The following HDAC9 variants were observed in gnomAD, a reference collection of about 807,000 sequenced individuals.
HDAC9 encodes MEF-2 interacting transcription repressor (MITR) protein.
In HDAC9, 41 loss-of-function variants were observed where a neutral mutation model predicts 139.4. That is an observed-to-expected ratio of 0.29 (90% CI 0.23 to 0.38). The LOEUF is 0.38. HDAC9 is among the 10% of genes least tolerant of loss of function. HDAC9 has a pLI of 1.00. For synonymous variants in HDAC9, 517 were observed against 476.2 expected (o/e 1.09, Z -1.12); for missense variants, 1,147 against 1,297.0 (o/e 0.88, Z 1.78).
intron 22 of HDAC9, among the ~76,000 whole-genome samples, chr7:18,914,179 G>C (rs779069625): frequency 6.6e-6 from 1 of 151,482 alleles, no homozygotes; most frequent in South Asian, 2.1e-4. Flanking sequence ...CAGAAAGTGG[G>C]CCTTCACCCA....
chr7:18,532,999 C>T (rs1389532932), intron 2 of HDAC9, among the ~76,000 whole-genome samples: 3 of 152,102 alleles, frequency 2.0e-5, no homozygotes. Context: ...CAAATATGTA[C>T]ACTTTTCTTC....
At chr7:18,216,406 A>G (rs545264655) in intron 2 of HDAC9, among the ~76,000 whole-genome samples, 1 of 152,252 alleles carries the variant, frequency 6.6e-6, no homozygotes, top group East Asian at 1.9e-4. Flanking sequence ...ATTGGTAAGA[A>G]TGTTACAGTT....
chr7:18,623,577 T>A (rs1020393009), intron 6 of HDAC9, among the ~76,000 whole-genome samples: 2 of 152,180 alleles, frequency 1.3e-5, no homozygotes, highest in Non-Finnish European at 2.9e-5. Context: ...ATTGTTACCA[T>A]TCTTTTGTAG....
At chr7:18,834,034 G>A (rs1796048749) in intron 19 of HDAC9, among the ~76,000 whole-genome samples, 1 of 152,162 alleles carries the variant, frequency 6.6e-6, no homozygotes, top group South Asian at 2.1e-4. Flanking sequence ...CTTTGGAATA[G>A]GAAGTAGATT....
intron 22 of HDAC9, among the ~76,000 whole-genome samples, chr7:18,901,381 CT>C (rs1801709367): frequency 6.6e-6 from 1 of 151,832 alleles, no homozygotes; most frequent in South Asian, 2.1e-4. Flanking sequence ...TTCCAAACGC[CT>C]GTTATTTGTC....
intron 2 of HDAC9, among the ~76,000 whole-genome samples, chr7:18,273,123 T>C (rs2128215234): frequency 7.0e-6 from 1 of 143,362 alleles, no homozygotes; most frequent in East Asian, 2.2e-4. Context: ...TGGAGTGCAG[T>C]GACATCATAA....
chr7:18,535,138 A>G (rs1225577472), intron 2 of HDAC9, among the ~76,000 whole-genome samples: 1 of 151,924 alleles, frequency 6.6e-6, no homozygotes, highest in Non-Finnish European at 1.5e-5. Context: ...TCAGCAATTC[A>G]CTGAACTCTC....
At chr7:18,536,358 C>G (rs1347377190) in intron 2 of HDAC9, among the ~76,000 whole-genome samples, 26 of 152,092 alleles carry the variant, frequency 1.7e-4, no homozygotes, top group Non-Finnish European at 1.5e-5. Context: ...TCAGCTCCCA[C>G]CTAAACCACA....
intron 21 of HDAC9, among the ~76,000 whole-genome samples, chr7:18,845,750 G>A (rs995855113): frequency 6.6e-6 from 1 of 151,978 alleles, no homozygotes; most frequent in Non-Finnish European, 1.5e-5. Context: ...ACGACAACAA[G>A]CAAAACCCTT....
intron 23 of HDAC9, among the ~76,000 whole-genome samples, chr7:18,944,552 G>A (rs1782240402): frequency 6.6e-6 from 1 of 151,912 alleles, no homozygotes; most frequent in Non-Finnish European, 1.5e-5. Context: ...TTGCTACACT[G>A]TTTTTAATTG....
intron 2 of HDAC9, among the ~76,000 whole-genome samples, chr7:18,535,722 C>CAAAAAAAAAAAA (rs72123660): frequency 2.0e-5 from 1 of 49,232 alleles, no homozygotes. Flanking sequence ...AGGCATTAAG[C>CAAAAAAAAAAAA]AAAAAAAAAA....
intron 2 of HDAC9, among the ~76,000 whole-genome samples, chr7:18,237,653 G>A (rs187079478): frequency 5.4e-4 from 82 of 152,264 alleles, no homozygotes; most frequent in Non-Finnish European, 9.7e-4. Context: ...AACGGATGAA[G>A]TACTGAGCTG....
chr7:18,904,245 A>G (rs932425809), intron 22 of HDAC9, among the ~76,000 whole-genome samples: 2 of 152,208 alleles, frequency 1.3e-5, no homozygotes, highest in African/African-American at 4.8e-5. Context: ...GTAGAAGATA[A>G]TTATGAGAGA....
intron 1 of HDAC9, among the ~76,000 whole-genome samples, chr7:18,465,226 C>T (rs1485599829): frequency 2.0e-5 from 3 of 151,890 alleles, no homozygotes; most frequent in African/African-American, 7.2e-5. Flanking sequence ...TATATTGCTT[C>T]TCCTTGTATA....
chr7:18,778,718 A>G (rs186954204), intron 16 of HDAC9, among the ~76,000 whole-genome samples: 8 of 152,136 alleles, frequency 5.3e-5, no homozygotes, highest in Admixed American at 1.3e-4. Flanking sequence ...TGGTAAATCT[A>G]TGAGTCCCCC....
intron 12 of HDAC9, among the ~76,000 whole-genome samples, chr7:18,715,262 A>C (rs549241168): frequency 9.5e-4 from 144 of 151,308 alleles, no homozygotes; most frequent in African/African-American, 3.0e-3. Flanking sequence ...TTTAAAGCGG[A>C]TACTTCTGTT....
At chr7:18,718,860 G>A (rs1292968643) in intron 12 of HDAC9, among the ~76,000 whole-genome samples, 1 of 152,130 alleles carries the variant, frequency 6.6e-6, no homozygotes, top group South Asian at 2.1e-4. Flanking sequence ...TGTTTCCAAA[G>A]TGGCTGCATC....
chr7:18,345,545 T>C (rs1782342551), intron 1 of HDAC9, among the ~76,000 whole-genome samples: 1 of 150,936 alleles, frequency 6.6e-6, no homozygotes, highest in South Asian at 2.1e-4. Context: ...ATAAGACACT[T>C]TGTTCCCTTT....
rs1006335766 is a variant in HDAC9 at position 19,000,880 on chromosome 7, T to C, written c.*4818T>C. On this transcript the variant is annotated 3_prime_UTR_variant, in exon 26 of 26. Transcript: ENST00000686413. ...CTCTGTTTCCTTAGTAGAAATGACC[T>C]TGACAACTTATTTTCTGAGATACCA... is the stretch of plus-strand genomic sequence containing the variant. 1.3e-5 allele frequency: 2 copies of C among 152,208 alleles called. No individual in the cohort carries two copies. Among genetic ancestry groups the C allele is most frequent in the Non-Finnish European group, 2.9e-5 (2 of 68,018 alleles). 9.4% of individuals were successfully genotyped at this position (152,208 alleles called of 1,614,324 possible).
Sources: gnomAD v4.1 joint callset for allele counts (sites outside exome capture counted in the v4.1 genomes callset) on GRCh38, gnomAD v4.1.1 for gene constraint, MANE v1.5 for transcripts, NCBI Gene and HGNC (gene_info 2026-07-23, HGNC 2026-07-21) for gene names.